The following TDRP variants were observed in gnomAD, a reference collection of about 807,000 sequenced individuals.
TDRP encodes testis development related protein, also known as testis development-related protein.
TDRP carries 12 observed loss-of-function variants against 10.5 expected under a neutral mutation model. The ratio of observed to expected loss-of-function variants is 1.15; its 90% CI spans 0.73 to 1.86. The LOEUF is 1.86. Ranked by LOEUF, TDRP falls within the 40% of genes most tolerant of loss-of-function variation. The probability of loss-of-function intolerance (pLI) is 0.00; values close to 1 mark genes in which losing one functional copy is unlikely to be tolerated. For synonymous variants in TDRP, 139 were observed against 95.4 expected, an observed-to-expected ratio of 1.46 and a Z score of -2.67; for missense variants, 353 against 229.2, an observed-to-expected ratio of 1.54 and a Z score of -3.49.
At chr8:522,600 G>A (rs1801934327) in intron 1 of TDRP, among the ~76,000 whole-genome samples, 1 of 152,172 alleles carries the variant, frequency 6.6e-6, no homozygotes, top group African/African-American at 2.4e-5. Context: ...TCTGTAATAT[G>A]CTTTGCCCCG....
rs962101939 is a variant in TDRP at position 521,217 on chromosome 8, A to C, written c.108+23433T>G. ...GGAGATAGAGATCATCCTGGCTAAC[A>C]CGGTCAAACCCCGTCTCTACTAAAA... On this transcript the variant is annotated intron_variant, in intron 1 of 2. Coordinates refer to ENST00000324079, the MANE Select transcript of TDRP (RefSeq NM_001384899.1). Among the ~76,000 whole-genome samples the C allele has an allele frequency of 2.8e-5, 4 of 140,730 alleles. No homozygotes were observed. In the East Asian group the frequency reaches 8.5e-4, roughly 30 times the overall value. 92.3% of individuals were successfully genotyped at this position (140,730 alleles called of 152,430 possible). A position where few individuals can be genotyped will look rare whatever the true frequency, so the allele number is the denominator to read the frequency against.
intron 1 of TDRP, among the ~76,000 whole-genome samples, chr8:507,743 G>C (rs1014564701): frequency 6.6e-6 from 1 of 152,166 alleles, no homozygotes; most frequent in African/African-American, 2.4e-5. Flanking sequence ...CAATGGGAAA[G>C]GGGGAACAGT....
At chr8:498,190 A>G (rs910798394) in intron 1 of TDRP, among the ~76,000 whole-genome samples, 12 of 152,158 alleles carry the variant, frequency 7.9e-5, no homozygotes, top group African/African-American at 2.7e-4. Flanking sequence ...AGATCCACCA[A>G]CAACTCGAAC....
intron 1 of TDRP, among the ~76,000 whole-genome samples, chr8:497,400 T>C (rs112521064): frequency 0.015 from 2,256 of 152,264 alleles, 44 homozygotes; most frequent in African/African-American, 0.052. Context: ...TGTGGAACCT[T>C]GAACTAGAGG....
In TDRP at chr8:499,732, C is replaced by T. The variant is rs566169443; in HGVS notation, c.109-5135G>A. Among the ~76,000 whole-genome samples the T allele has an allele frequency of 3.3e-5, 5 of 152,362 alleles. No individual in the cohort carries two copies. The South Asian group carries it at 8.3e-4, about 25-fold the overall frequency. ...CTCGGTCTTCACCTGAAGTCTCCCA[C>T]ATTTCCCTCTGAGCATCCCCCGGGA... On this transcript the variant is annotated intron_variant, in intron 1 of 2. Coordinates refer to ENST00000324079, the MANE Select transcript of TDRP (RefSeq NM_001384899.1).
chr8:517,638 T>G (rs997287261), intron 1 of TDRP, among the ~76,000 whole-genome samples: 9 of 152,134 alleles, frequency 5.9e-5, no homozygotes, highest in Non-Finnish European at 1.0e-4. Flanking sequence ...CAAACCAATA[T>G]ATACCTTACA....
chr8:535,293 T>A (rs557640261), intron 1 of TDRP, among the ~76,000 whole-genome samples: 8 of 152,230 alleles, frequency 5.3e-5, no homozygotes, highest in African/African-American at 1.9e-4. Flanking sequence ...TCCAACCATT[T>A]CTAGACAAAG....
intron 1 of TDRP, among the ~76,000 whole-genome samples, chr8:518,935 C>T (rs1801825725): frequency 6.6e-6 from 1 of 152,152 alleles, no homozygotes; most frequent in South Asian, 2.1e-4. Flanking sequence ...GAATTTACTG[C>T]CTTTCGTACA....
intron 1 of TDRP, among the ~76,000 whole-genome samples, chr8:512,579 C>T (rs912975233): frequency 7.0e-5 from 10 of 143,084 alleles, no homozygotes; most frequent in Admixed American, 2.8e-4. Flanking sequence ...CATTGTCCAT[C>T]AAAAAAAAAA....
chr8:539,919 C>A (rs758206623), intron 1 of TDRP, among the ~76,000 whole-genome samples: 10 of 152,186 alleles, frequency 6.6e-5, no homozygotes, highest in Non-Finnish European at 1.0e-4. Flanking sequence ...TCCTTGATGT[C>A]TTTTTTCTTT....
intron 1 of TDRP, among the ~76,000 whole-genome samples, chr8:496,226 C>G (rs539339438): frequency 6.6e-6 from 1 of 152,240 alleles, no homozygotes; most frequent in Non-Finnish European, 1.5e-5. Flanking sequence ...GTCATGCTGA[C>G]AGCTTTGGCA....
At chr8:512,770 T>C (rs976480946) in intron 1 of TDRP, among the ~76,000 whole-genome samples, 2 of 152,086 alleles carry the variant, frequency 1.3e-5, no homozygotes, top group African/African-American at 4.8e-5. Context: ...AGGCCATGAA[T>C]TTGAGAACAG....
intron 1 of TDRP, among the ~76,000 whole-genome samples, chr8:523,857 A>C (rs1163996544): frequency 6.6e-6 from 1 of 152,188 alleles, no homozygotes; most frequent in Admixed American, 6.5e-5. Flanking sequence ...AGATACATCC[A>C]GGGACCAGGG....
intron 1 of TDRP, among the ~76,000 whole-genome samples, chr8:495,369 C>T (rs769728762): frequency 4.7e-4 from 71 of 152,216 alleles, no homozygotes; most frequent in Non-Finnish European, 9.0e-4. Flanking sequence ...TAAGCGTCAG[C>T]ATCTCCATGG....
intron 1 of TDRP, among the ~76,000 whole-genome samples, chr8:531,021 GGA>G (rs1275984387): frequency 1.3e-5 from 2 of 152,140 alleles, no homozygotes; most frequent in African/African-American, 4.8e-5. Context: ...CACTGAGTCA[GGA>G]GAGACAGAAA....
chr8:522,285 G>C (rs1222045996), intron 1 of TDRP, among the ~76,000 whole-genome samples: 1 of 152,144 alleles, frequency 6.6e-6, no homozygotes, highest in Admixed American at 6.5e-5. Context: ...TTGTCATTAT[G>C]GAACAGGAAT....
intron 1 of TDRP, among the ~76,000 whole-genome samples, chr8:520,221 C>T (rs1040548345): frequency 1.3e-5 from 2 of 152,170 alleles, no homozygotes; most frequent in Non-Finnish European, 2.9e-5. Context: ...TTTTTTGTGC[C>T]TCGCTTATTT....
chr8:544,522 C>A, intron 1 of TDRP, 128 bp downstream of exon 1: 1 of 582,680 alleles, frequency 1.7e-6, no homozygotes, highest in Non-Finnish European at 2.5e-6. Context: ...GCTACGCGGC[C>A]CCAACCTCAC....
At chr8:499,322 A>G (rs1801222378) in intron 1 of TDRP, among the ~76,000 whole-genome samples, 1 of 152,084 alleles carries the variant, frequency 6.6e-6, no homozygotes. Context: ...TTAATCTCCC[A>G]TTTCTGCATA....
Sources: gnomAD v4.1 joint callset for allele counts (sites outside exome capture counted in the v4.1 genomes callset) on GRCh38, gnomAD v4.1.1 for gene constraint, MANE v1.5 for transcripts, NCBI Gene and HGNC (gene_info 2026-07-23, HGNC 2026-07-21) for gene names.